The following MACROD2 variants were observed in gnomAD, a reference collection of about 807,000 sequenced individuals.
MACROD2 encodes mono-ADP ribosylhydrolase 2.
In MACROD2, 36 loss-of-function variants were observed where a neutral mutation model predicts 70.4. The ratio of observed to expected loss-of-function variants is 0.51; its 90% CI spans 0.39 to 0.68. The LOEUF is 0.68. Among genes scored for constraint, MACROD2 ranks in the 30% least tolerant of loss-of-function variants. The pLI is 0.00. For synonymous variants in MACROD2, 172 were observed against 178.8 expected (o/e 0.96, Z 0.30); for missense variants, 496 against 538.4 (o/e 0.92, Z 0.78).
chr20:14,414,150 G>T (rs1156952541), intron 3 of MACROD2, among the ~76,000 whole-genome samples: 1 of 152,022 alleles, frequency 6.6e-6, no homozygotes, highest in Non-Finnish European at 1.5e-5. Flanking sequence ...TCAGATTTGT[G>T]TATCTAACTG....
chr20:15,693,131 A>T (rs1055808817), intron 8 of MACROD2, among the ~76,000 whole-genome samples: 1 of 152,134 alleles, frequency 6.6e-6, no homozygotes, highest in African/African-American at 2.4e-5. Flanking sequence ...TCTTTTCTTC[A>T]TAGATTACCC....
intron 3 of MACROD2, among the ~76,000 whole-genome samples, chr20:14,360,416 A>G (rs2083210551): frequency 6.6e-6 from 1 of 152,216 alleles, no homozygotes; most frequent in African/African-American, 2.4e-5. Flanking sequence ...ATGTTTTTTT[A>G]AAGGCAAGAA....
At chr20:15,432,496 C>G (rs546150837) in intron 7 of MACROD2, among the ~76,000 whole-genome samples, 1 of 152,010 alleles carries the variant, frequency 6.6e-6, no homozygotes, top group Admixed American at 6.6e-5. Context: ...TAAACTAGAC[C>G]ATCTGCACAA....
At chr20:14,647,581 T>G (rs1470809443) in intron 4 of MACROD2, among the ~76,000 whole-genome samples, 1 of 152,098 alleles carries the variant, frequency 6.6e-6, no homozygotes, top group Non-Finnish European at 1.5e-5. Context: ...AGGGAAACAC[T>G]GTACTAAGTT....
chr20:14,859,126 A>G lies in MACROD2; in HGVS notation c.418+174167A>G, dbSNP rs541866358. ...TAAAAGACTACATATTAGGTGTAGT[A>G]TATCCTGCTTAGGTGATGGCTGTGG... On this transcript the variant is annotated intron_variant, in intron 5 of 17. Transcript: ENST00000684519. Among the ~76,000 whole-genome samples the G allele has an allele frequency of 8.3e-4, 126 of 152,172 alleles. 1 individual carries two copies. Among genetic ancestry groups the G allele is most frequent in the Middle Eastern group, 3.4e-3 (1 of 294 alleles).
intron 4 of MACROD2, among the ~76,000 whole-genome samples, chr20:14,614,104 G>C (rs182639033): frequency 6.6e-6 from 1 of 152,240 alleles, no homozygotes; most frequent in East Asian, 1.9e-4. Flanking sequence ...AAGTAGAGTA[G>C]TTAAGAGTCA....
chr20:14,449,856 C>T (rs879694697), intron 3 of MACROD2, among the ~76,000 whole-genome samples: 6 of 152,070 alleles, frequency 3.9e-5, no homozygotes, highest in Admixed American at 3.9e-4. Context: ...TTATTAGCAA[C>T]ACTGTGACAT....
chr20:14,749,805 A>T (rs888361166), intron 5 of MACROD2, among the ~76,000 whole-genome samples: 1 of 152,172 alleles, frequency 6.6e-6, no homozygotes, highest in Non-Finnish European at 1.5e-5. Context: ...ATCTTCTAAT[A>T]GAAAGTGGTA....
intron 5 of MACROD2, among the ~76,000 whole-genome samples, chr20:14,814,394 AAAT>A (rs2072750086): frequency 6.6e-6 from 1 of 152,144 alleles, no homozygotes; most frequent in Admixed American, 6.6e-5. Flanking sequence ...TTTTTTTAAA[AAAT>A]AAAATTGATG....
chr20:14,947,619 T>G (rs2074443252), intron 5 of MACROD2, among the ~76,000 whole-genome samples: 1 of 152,156 alleles, frequency 6.6e-6, no homozygotes, highest in South Asian at 2.1e-4. Context: ...GAGGGCTTAT[T>G]AAAACACAGA....
At chr20:14,393,204 A>C (rs2083546695) in intron 3 of MACROD2, among the ~76,000 whole-genome samples, 1 of 152,172 alleles carries the variant, frequency 6.6e-6, no homozygotes, top group Admixed American at 6.5e-5. Flanking sequence ...TACATGTGAA[A>C]CACATTTAGG....
At chr20:15,735,158 A>T (rs2051001824) in intron 8 of MACROD2, among the ~76,000 whole-genome samples, 1 of 152,100 alleles carries the variant, frequency 6.6e-6, no homozygotes, top group East Asian at 1.9e-4. Flanking sequence ...ACAGGGTTTC[A>T]CCATATTGGC....
At chr20:15,481,973 G>A (rs892618029) in intron 7 of MACROD2, among the ~76,000 whole-genome samples, 9 of 152,100 alleles carry the variant, frequency 5.9e-5, no homozygotes, top group Non-Finnish European at 1.3e-4. Flanking sequence ...GCATTGGGGG[G>A]TTTGTGAATC....
intron 3 of MACROD2, among the ~76,000 whole-genome samples, chr20:14,106,363 G>A (rs1348517262): frequency 6.6e-6 from 1 of 152,194 alleles, no homozygotes; most frequent in Non-Finnish European, 1.5e-5. Flanking sequence ...TGTGGTTTGA[G>A]TGCCAGCTTA....
intron 3 of MACROD2, among the ~76,000 whole-genome samples, chr20:14,087,081 T>C (rs2054085649): frequency 6.6e-6 from 1 of 152,160 alleles, no homozygotes; most frequent in Non-Finnish European, 1.5e-5. Flanking sequence ...ACCGGTCAGC[T>C]TGTTGTTCCC....
At chr20:15,237,714 T>C (rs1568660192) in intron 6 of MACROD2, among the ~76,000 whole-genome samples, 1 of 152,044 alleles carries the variant, frequency 6.6e-6, no homozygotes, top group Non-Finnish European at 1.5e-5. Flanking sequence ...TGGGGCTCTG[T>C]CTTGCTGGGG....
intron 5 of MACROD2, among the ~76,000 whole-genome samples, chr20:15,020,365 A>T (rs1166419004): frequency 6.6e-6 from 1 of 152,194 alleles, no homozygotes; most frequent in African/African-American, 2.4e-5. Flanking sequence ...TGAAATTTCT[A>T]TAAGATCTAT....
intron 5 of MACROD2, among the ~76,000 whole-genome samples, chr20:14,947,167 G>A (rs778336655): frequency 9.2e-5 from 14 of 152,296 alleles, no homozygotes; most frequent in East Asian, 3.9e-4. Context: ...CAGATTCGCC[G>A]AGCAAGCTGG....
chr20:15,920,360 C>G (rs180935048), intron 10 of MACROD2, among the ~76,000 whole-genome samples: 1 of 152,030 alleles, frequency 6.6e-6, no homozygotes, highest in African/African-American at 2.4e-5. Context: ...AAATGTACAA[C>G]GCAGACAAGA....
Sources: gnomAD v4.1 joint callset for allele counts (sites outside exome capture counted in the v4.1 genomes callset) on GRCh38, gnomAD v4.1.1 for gene constraint, MANE v1.5 for transcripts, NCBI Gene and HGNC (gene_info 2026-07-23, HGNC 2026-07-21) for gene names.